Variants in NCKAP5 observed in about 807,000 individuals in gnomAD.
NCKAP5 encodes the protein nck-associated protein 5.
NCKAP5 carries 92 observed loss-of-function variants against 167.0 expected under a neutral mutation model. That is an observed-to-expected ratio of 0.55 (90% CI 0.47 to 0.66). The LOEUF is 0.66. Among genes scored for constraint, NCKAP5 ranks in the 30% least tolerant of loss-of-function variants. The pLI is 0.00. For missense variants in NCKAP5, 2,378 were observed against 2,315.0 expected, an observed-to-expected ratio of 1.03 and a Z score of -0.56; for synonymous variants, 891 against 877.4, an observed-to-expected ratio of 1.02 and a Z score of -0.27.
intron 10 of NCKAP5, among the ~76,000 whole-genome samples, chr2:132,864,380 G>A (rs1459215748): frequency 2.0e-5 from 3 of 152,024 alleles, no homozygotes; most frequent in African/African-American, 7.2e-5. Context: ...GTGGTGTTTG[G>A]GTTCAAGAAA....
chr2:133,116,613 G>A (rs1031817947), intron 6 of NCKAP5, among the ~76,000 whole-genome samples: 2 of 151,772 alleles, frequency 1.3e-5, no homozygotes, highest in Non-Finnish European at 2.9e-5. Flanking sequence ...TAGTAAAACG[G>A]TATATATCTA....
chr2:132,771,357 A>T (rs1238313050), intron 16 of NCKAP5, among the ~76,000 whole-genome samples: 1 of 152,250 alleles, frequency 6.6e-6, no homozygotes, highest in Non-Finnish European at 1.5e-5. Context: ...ATAAGGATAT[A>T]AAAATTATAT....
intron 7 of NCKAP5, among the ~76,000 whole-genome samples, chr2:132,968,560 A>G (rs2076735032): frequency 6.6e-6 from 1 of 152,192 alleles, no homozygotes; most frequent in African/African-American, 2.4e-5. Flanking sequence ...AGTTCTAAGA[A>G]TTCAATTAAG....
chr2:132,675,899 C>A (rs545530402), intron 19 of NCKAP5, among the ~76,000 whole-genome samples: 1 of 150,128 alleles, frequency 6.7e-6, no homozygotes, highest in Non-Finnish European at 1.5e-5. Context: ...TTTATTTTTA[C>A]AGTTTTGATG....
At chr2:132,744,560 A>G (rs893111178) in intron 16 of NCKAP5, among the ~76,000 whole-genome samples, 2 of 151,566 alleles carry the variant, frequency 1.3e-5, no homozygotes, top group African/African-American at 4.8e-5. Flanking sequence ...TCATTTTAAG[A>G]AACTAGAAAA....
intron 11 of NCKAP5, among the ~76,000 whole-genome samples, chr2:132,851,065 G>A (rs1689041333): frequency 6.6e-6 from 1 of 151,934 alleles, no homozygotes; most frequent in Non-Finnish European, 1.5e-5. Flanking sequence ...GAGATGTTAG[G>A]CCGACAGTGA....
intron 5 of NCKAP5, among the ~76,000 whole-genome samples, chr2:133,213,501 A>C (rs2086294566): frequency 6.6e-6 from 1 of 152,180 alleles, no homozygotes; most frequent in South Asian, 2.1e-4. Context: ...TGAACATCTT[A>C]TTTAAAGCCT....
chr2:133,362,425 G>T (rs1199447707), intron 3 of NCKAP5, among the ~76,000 whole-genome samples: 1 of 152,098 alleles, frequency 6.6e-6, no homozygotes, highest in African/African-American at 2.4e-5. Context: ...GAGTCAGAGG[G>T]GCCCCATATT....
intron 3 of NCKAP5, among the ~76,000 whole-genome samples, chr2:133,413,922 G>T (rs534633873): frequency 6.6e-6 from 1 of 152,148 alleles, no homozygotes; most frequent in Non-Finnish European, 1.5e-5. Flanking sequence ...AGACTTGGCC[G>T]TCCAAGAGGT....
intron 5 of NCKAP5, among the ~76,000 whole-genome samples, chr2:133,160,433 C>CTTTTTTTTTTTTT (rs869057265): frequency 9.9e-6 from 1 of 100,862 alleles, no homozygotes; most frequent in Non-Finnish European, 2.0e-5. Context: ...CTTTTCCTTT[C>CTTTTTTTTTTTTT]TTTTTCTTTT....
chr2:132,855,976 A>G (rs1404244748), intron 11 of NCKAP5, among the ~76,000 whole-genome samples: 1 of 152,200 alleles, frequency 6.6e-6, no homozygotes, highest in Non-Finnish European at 1.5e-5. Flanking sequence ...CATCCTGGCT[A>G]ACACAGTGAA....
At chr2:133,259,475 T>C (rs1389354756) in intron 4 of NCKAP5, among the ~76,000 whole-genome samples, 2 of 152,218 alleles carry the variant, frequency 1.3e-5, no homozygotes, top group East Asian at 3.8e-4. Context: ...GAAAATAAGA[T>C]GAGTTTCTCC....
chr2:133,475,912 C>T (rs1184969064), intron 3 of NCKAP5, among the ~76,000 whole-genome samples: 2 of 152,114 alleles, frequency 1.3e-5, no homozygotes, highest in Admixed American at 6.5e-5. Context: ...ATGTGTCAAC[C>T]CAAGAATCAG....
chr2:133,619,736 T>C, the NCKAP5 span, among the ~76,000 whole-genome samples: 2 of 152,028 alleles, frequency 1.3e-5, no homozygotes, highest in Non-Finnish European at 1.5e-5. Flanking sequence ...GACATCCAAA[T>C]ACAAGAAGAT....
chr2:133,279,319 G>A (rs143080858), intron 4 of NCKAP5, among the ~76,000 whole-genome samples: 1 of 152,080 alleles, frequency 6.6e-6, no homozygotes, highest in South Asian at 2.1e-4. Flanking sequence ...CGTCAGGTTT[G>A]GATTGTATAC....
intron 17 of NCKAP5, among the ~76,000 whole-genome samples, chr2:132,731,303 T>C (rs972936938): frequency 6.6e-6 from 1 of 152,230 alleles, no homozygotes; most frequent in African/African-American, 2.4e-5. Flanking sequence ...ACTATGTCTT[T>C]TATAGTTCAA....
At chr2:133,395,296 C>T (rs749776574) in intron 3 of NCKAP5, among the ~76,000 whole-genome samples, 2 of 152,166 alleles carry the variant, frequency 1.3e-5, no homozygotes, top group African/African-American at 2.4e-5. Flanking sequence ...GTCCTATTCA[C>T]GGAAACACCC....
At chr2:133,443,408 C>T (rs920655382) in intron 3 of NCKAP5, among the ~76,000 whole-genome samples, 1 of 152,212 alleles carries the variant, frequency 6.6e-6, no homozygotes. Flanking sequence ...GACCCCAAAA[C>T]CTCCCACTTG....
chr2:133,112,664 C>T (rs1293562776), intron 6 of NCKAP5, among the ~76,000 whole-genome samples: 1 of 152,210 alleles, frequency 6.6e-6, no homozygotes, highest in Non-Finnish European at 1.5e-5. Flanking sequence ...CTATCATTCA[C>T]AAGAATGGCA....
Sources: gnomAD v4.1 joint callset for allele counts (sites outside exome capture counted in the v4.1 genomes callset) on GRCh38, gnomAD v4.1.1 for gene constraint, MANE v1.5 for transcripts, NCBI Gene and HGNC (gene_info 2026-07-23, HGNC 2026-07-21) for gene names.